Variants in IL1RAPL1 observed in about 807,000 individuals in gnomAD.
The protein encoded by IL1RAPL1 is interleukin 1 receptor accessory protein like 1, also known as interleukin-1 receptor accessory protein-like 1.
IL1RAPL1 carries 3 observed loss-of-function variants against 48.4 expected under a neutral mutation model. The ratio of observed to expected loss-of-function variants is 0.06; its 90% CI spans 0.03 to 0.16. The LOEUF is 0.16. IL1RAPL1 is among the 10% of genes least tolerant of loss of function. The pLI is 1.00. For missense variants in IL1RAPL1, 349 were observed against 530.6 expected, an observed-to-expected ratio of 0.66 and a Z score of 3.36; for synonymous variants, 185 against 187.7, an observed-to-expected ratio of 0.99 and a Z score of 0.12.
chrX:29,802,693 A>G (rs1315357655), intron 6 of IL1RAPL1, among the ~76,000 whole-genome samples: 3 of 97,678 alleles, frequency 3.1e-5, no homozygotes, highest in Admixed American at 1.2e-4. Context: ...ACTGTGCATT[A>G]AATTTTGTGT....
At chrX:28,822,863 C>G (rs906214507) in intron 2 of IL1RAPL1, among the ~76,000 whole-genome samples, 2 of 111,494 alleles carry the variant, frequency 1.8e-5, no homozygotes, top group Non-Finnish European at 3.8e-5. Flanking sequence ...GGTCCAGTAC[C>G]ACTTCCACCA....
chrX:28,972,467 G>A (rs1460911973), intron 2 of IL1RAPL1, among the ~76,000 whole-genome samples: 2 of 111,479 alleles, frequency 1.8e-5, no homozygotes, highest in African/African-American at 6.5e-5. Flanking sequence ...GGTCGGGCGC[G>A]GTGGCTCACG....
chrX:29,178,832 G>A (rs1209156342), intron 2 of IL1RAPL1, among the ~76,000 whole-genome samples: 1 of 111,757 alleles, frequency 8.9e-6, no homozygotes, highest in East Asian at 2.8e-4. Flanking sequence ...AGTTTTCCCA[G>A]CACCATTTAT....
At chrX:29,743,731 C>G (rs189833541) in intron 6 of IL1RAPL1, among the ~76,000 whole-genome samples, 1 of 112,060 alleles carries the variant, frequency 8.9e-6, no homozygotes, top group Admixed American at 9.5e-5. Flanking sequence ...GATCTGTCTG[C>G]CTTGGCCTCC....
chrX:28,859,793 CTAT>C (rs1439713026), intron 2 of IL1RAPL1, among the ~76,000 whole-genome samples: 2 of 107,349 alleles, frequency 1.9e-5, no homozygotes, highest in Middle Eastern at 5.4e-3. Flanking sequence ...ATATTTATTA[CTAT>C]TATTGTATAT....
chrX:29,342,156 T>TGTGTG (rs1569290855), intron 3 of IL1RAPL1, among the ~76,000 whole-genome samples: 18 of 64,811 alleles, frequency 2.8e-4, no homozygotes, highest in Admixed American at 3.6e-4. Flanking sequence ...GTGTGTGTGT[T>TGTGTG]TGTTTTGTTT....
In IL1RAPL1 at chrX:28,891,777, G is replaced by A. The variant is rs1922776025; in HGVS notation, c.82+102352G>A. ...TTGTGTGGAGATATTGGTGGTTTGTGTTTAAAGTATTGAGGAACCAGATTT... is the reference window on the plus strand; with the variant it reads ...TTGTGTGGAGATATTGGTGGTTTGTATTTAAAGTATTGAGGAACCAGATTT... On this transcript the variant is annotated intron_variant, in intron 2 of 10. Transcript: ENST00000378993. Among the ~76,000 whole-genome samples, 3 of 111,257 alleles carry A rather than the reference G, an allele frequency of 2.7e-5. No homozygotes were observed. In the Admixed American group the frequency reaches 2.9e-4, roughly 11 times the overall value.
chrX:29,691,026 AT>A lies in IL1RAPL1; in HGVS notation c.778+22530del, dbSNP rs35943071. Among the ~76,000 whole-genome samples the A allele has an allele frequency of 2.5e-4, 27 of 110,060 alleles. No individual in the cohort carries two copies. The East Asian group carries it at 4.0e-3, about 16-fold the overall frequency. On this transcript the variant is annotated intron_variant, in intron 6 of 10. Coordinates refer to ENST00000378993, the MANE Select transcript of IL1RAPL1 (RefSeq NM_014271.4). ...TAGAAAAAAAGTTAATTGATTCAAT[AT>A]TTTTTTTCAACAATTTCTTTTAAAT...
intron 3 of IL1RAPL1, among the ~76,000 whole-genome samples, chrX:29,346,263 G>C (rs1933148880): frequency 8.9e-6 from 1 of 112,421 alleles, no homozygotes; most frequent in African/African-American, 3.2e-5. Context: ...TGCCATGTAA[G>C]GTAAAACACT....
chrX:28,958,307 A>C (rs975292851), intron 2 of IL1RAPL1, among the ~76,000 whole-genome samples: 1 of 111,725 alleles, frequency 9.0e-6, no homozygotes, highest in African/African-American at 3.3e-5. Flanking sequence ...CCATTCTACT[A>C]TCTACTTCTA....
intron 6 of IL1RAPL1, among the ~76,000 whole-genome samples, chrX:29,812,126 T>G (rs1930394148): frequency 8.9e-6 from 1 of 112,171 alleles, no homozygotes; most frequent in South Asian, 3.7e-4. Flanking sequence ...ACAGTCAACA[T>G]TATCTGGAGA....
chrX:28,958,900 A>AT (rs1199568761), intron 2 of IL1RAPL1, among the ~76,000 whole-genome samples: 1 of 111,680 alleles, frequency 9.0e-6, no homozygotes, highest in Admixed American at 9.5e-5. Context: ...TGACAAAAAA[A>AT]AGTTTTTCTA....
intron 6 of IL1RAPL1, among the ~76,000 whole-genome samples, chrX:29,815,635 G>A (rs1256462574): frequency 2.7e-5 from 3 of 110,925 alleles, no homozygotes; most frequent in African/African-American, 9.8e-5. Flanking sequence ...GGTGGTGAGA[G>A]TGGGCATTCT....
chrX:28,769,567 C>T (rs1936288566), intron 1 of IL1RAPL1, among the ~76,000 whole-genome samples: 1 of 111,698 alleles, frequency 9.0e-6, no homozygotes, highest in Non-Finnish European at 1.9e-5. Flanking sequence ...AAATAGTTTA[C>T]CTGGGTAATT....
At chrX:29,522,980 C>T (rs1468847537) in intron 5 of IL1RAPL1, among the ~76,000 whole-genome samples, 1 of 110,724 alleles carries the variant, frequency 9.0e-6, no homozygotes, top group Admixed American at 9.6e-5. Flanking sequence ...GTCCTTGTAG[C>T]GACAATTTTA....
At chrX:28,867,319 G>A (rs1403666021) in intron 2 of IL1RAPL1, among the ~76,000 whole-genome samples, 1 of 111,456 alleles carries the variant, frequency 9.0e-6, no homozygotes, top group Non-Finnish European at 1.9e-5. Flanking sequence ...CTGGCATGGA[G>A]GTGTGATGGC....
chrX:29,575,209 C>T (rs1029532821), intron 5 of IL1RAPL1, among the ~76,000 whole-genome samples: 1 of 111,721 alleles, frequency 9.0e-6, no homozygotes, highest in African/African-American at 3.3e-5. Context: ...AATCAGGGTT[C>T]TCCAGAGGGA....
intron 1 of IL1RAPL1, among the ~76,000 whole-genome samples, chrX:28,640,606 G>A (rs368350487): frequency 1.8e-5 from 2 of 108,882 alleles, no homozygotes; most frequent in South Asian, 4.1e-4. Flanking sequence ...CCACCTTGGC[G>A]TCCCAAAGTG....
At chrX:28,830,992 TTCTCTCTCTC>T (rs1160527555) in intron 2 of IL1RAPL1, among the ~76,000 whole-genome samples, 1 of 16,060 alleles carries the variant, frequency 6.2e-5, no homozygotes, top group African/African-American at 2.7e-4. Context: ...TGCCCAGGGT[TTCTCTCTCTC>T]TCTCTCTCTC....
Sources: allele counts gnomAD v4.1 joint callset (sites outside exome capture counted in the v4.1 genomes callset), GRCh38; gene constraint gnomAD v4.1.1; transcripts MANE v1.5; gene names NCBI Gene and HGNC (gene_info 2026-07-23, HGNC 2026-07-21).